Variants in CD38 observed in about 807,000 individuals in gnomAD.
CD38 encodes ADP-ribosyl cyclase/cyclic ADP-ribose hydrolase 1.
CD38 carries 31 observed loss-of-function variants against 36.3 expected under a neutral mutation model. The ratio of observed to expected loss-of-function variants is 0.85; its 90% CI spans 0.64 to 1.15. The LOEUF is 1.15. Ranked by LOEUF, CD38 falls within the 50% of genes most tolerant of loss-of-function variation. CD38 has a pLI of 0.00. For missense variants in CD38, 380 were observed against 371.9 expected, an observed-to-expected ratio of 1.02 and a Z score of -0.18; for synonymous variants, 131 against 135.2, an observed-to-expected ratio of 0.97 and a Z score of 0.22.
Position 15,790,104 on chromosome 4 carries a change from GCTCTCCCTCTCCCTCTCCCTCTCC to G in CD38, c.233+11489_233+11512del, listed in dbSNP as rs1230934444. ...CAAAGGCCTTGAAAAGCAGCAAGCC[GCTCTCCCTCTCCCTCTCCCTCTCC>G]CTCTCCCTCTCCCTCTCCCTCTCCC... is the stretch of plus-strand genomic sequence containing the variant. On this transcript the variant is annotated intron_variant, in intron 1 of 7. Transcript: ENST00000226279. Among the ~76,000 whole-genome samples the G allele has an allele frequency of 1.6e-4, 19 of 117,020 alleles. 1 individual carries two copies. The highest frequency in any genetic ancestry group is 4.2e-4 in the Admixed American group (5 of 11,868). The allele number at this position is 117,020 out of a possible 152,430, so 76.8% of individuals were successfully genotyped here.
At position 15,849,828 on chromosome 4, in the gene CD38, G is replaced by A. The variant is rs1403612928; in HGVS notation, c.*1226G>A. On this transcript the variant is annotated 3_prime_UTR_variant, in exon 8 of 8. Transcript: ENST00000226279. ...GGAAGTTTAGATCACTGATCCTTCA[G>A]CTTGTTTTCTTTTTTGTATACATAG... The A allele has an allele frequency of 6.6e-6, 1 of 152,144 alleles. No homozygotes were observed. The highest frequency in any genetic ancestry group is 1.9e-4 in the East Asian group (1 of 5,192). The allele number at this position is 152,144 out of a possible 1,614,324, so 9.4% of individuals were successfully genotyped here.
At chr4:15,790,430 G>C (rs540473892) in intron 1 of CD38, among the ~76,000 whole-genome samples, 1 of 151,796 alleles carries the variant, frequency 6.6e-6, no homozygotes, top group South Asian at 2.1e-4. Context: ...CGCCGGCCTC[G>C]GCCTCCCGAG....
At position 15,819,062 on chromosome 4, in the gene CD38, C is replaced by T. The variant is rs925750287; in HGVS notation, c.363+2422C>T. Among the ~76,000 whole-genome samples, 7 of 152,020 alleles carry T rather than the reference C, an allele frequency of 4.6e-5. No homozygotes were observed. In the South Asian group the frequency reaches 1.5e-3, roughly 32 times the overall value. ...GCATATGGATGAAGCTGGAAACCAT[C>T]ATTCTCAGCAAACTATCACAAGATC... On this transcript the variant is annotated intron_variant, in intron 2 of 7. Coordinates refer to ENST00000226279, the MANE Select transcript of CD38 (RefSeq NM_001775.4).
At position 15,820,496 on chromosome 4, in the gene CD38, T is replaced by A. The variant is rs1442899290; in HGVS notation, c.363+3856T>A. 1.1e-4 allele frequency among the ~76,000 whole-genome samples: 16 copies of A among 152,128 alleles called. No homozygotes were observed. The East Asian group carries it at 3.1e-3, about 29-fold the overall frequency. ...CTCAAAATAAGGGATGGAGGAATAT[T>A]TACCAAGCAAATGGGAAACAGAAAA... is the stretch of plus-strand genomic sequence containing the variant. On this transcript the variant is annotated intron_variant, in intron 2 of 7. Coordinates refer to ENST00000226279, the MANE Select transcript of CD38 (RefSeq NM_001775.4).
chr4:15,826,506 C>A (rs2148925021), intron 3 of CD38, among the ~76,000 whole-genome samples: 1 of 150,754 alleles, frequency 6.6e-6, no homozygotes, highest in South Asian at 2.1e-4. Context: ...CACCTGCATA[C>A]TTGAACGATA....
chr4:15,795,646 A>G (rs763729197), intron 1 of CD38, among the ~76,000 whole-genome samples: 2 of 152,130 alleles, frequency 1.3e-5, no homozygotes, highest in Non-Finnish European at 2.9e-5. Context: ...GAAGATATAT[A>G]CCTGCTTAAG....
chr4:15,789,944 C>CT (rs760916603), intron 1 of CD38, among the ~76,000 whole-genome samples: 4 of 152,134 alleles, frequency 2.6e-5, no homozygotes, highest in Non-Finnish European at 5.9e-5. Flanking sequence ...AGGTATTCTG[C>CT]TATAAGCAAC....
In CD38 at chr4:15,778,595, G is replaced by C. The variant is rs147573494; in HGVS notation, c.181G>C (p.Glu61Gln). 1.9e-5 allele frequency: 31 copies of C among 1,613,750 alleles called. No homozygotes were observed. Among genetic ancestry groups the C allele is most frequent in the Non-Finnish European group, 2.5e-5 (29 of 1,179,972 alleles). ...TCCGGGCACCACCAAGCGCTTTCCC[G>C]AGACCGTCCTGGCGCGATGCGTCAA... ...SGPGTTKRFPETVLARCVKYT... is the reference protein window; with the variant it reads ...SGPGTTKRFPQTVLARCVKYT... Residue 61 changes from glutamate to glutamine, a missense_variant, in exon 1 of 8, where the codon GAG (glutamate) becomes CAG (glutamine). By Grantham distance (29) the Glu-to-Gln change is conservative. Transcript: ENST00000226279. This position sits in a 1 kb window ranked among gnomAD's most constrained non-coding sequence, Gnocchi z 4.9.
intron 1 of CD38, among the ~76,000 whole-genome samples, chr4:15,790,130 T>A (rs7655829): frequency 3.8e-5 from 1 of 26,580 alleles, no homozygotes; most frequent in African/African-American, 6.4e-4. Context: ...TCCCTCTCCC[T>A]CTCCCTCTCC....
intron 1 of CD38, among the ~76,000 whole-genome samples, chr4:15,812,649 G>A (rs1293541751): frequency 6.6e-6 from 1 of 152,144 alleles, no homozygotes; most frequent in African/African-American, 2.4e-5. Context: ...GCAGTGAGCC[G>A]AGATCGCACC....
intron 1 of CD38, among the ~76,000 whole-genome samples, chr4:15,802,806 A>C (rs1049301618): frequency 1.3e-5 from 2 of 152,144 alleles, no homozygotes; most frequent in Non-Finnish European, 2.9e-5. Flanking sequence ...CAGCCTCCCA[A>C]AGTGCTGGTA....
chr4:15,788,646 C>T (rs1424532539), intron 1 of CD38, among the ~76,000 whole-genome samples: 2 of 152,140 alleles, frequency 1.3e-5, no homozygotes, highest in Non-Finnish European at 2.9e-5. Flanking sequence ...TGTGTAAACA[C>T]ACATCAGAAT....
At chr4:15,827,646 A>C (rs568531738) in intron 3 of CD38, among the ~76,000 whole-genome samples, 2 of 152,072 alleles carry the variant, frequency 1.3e-5, no homozygotes, top group Non-Finnish European at 2.9e-5. Flanking sequence ...ATGTATTTAC[A>C]GTAGACTTCT....
chr4:15,778,741 C>G lies in CD38; in HGVS notation c.233+94C>G, dbSNP rs1227062042. On this transcript the variant is annotated intron_variant, in intron 1 of 7. Transcript: ENST00000226279. This position sits in a 1 kb window ranked among gnomAD's most constrained non-coding sequence, Gnocchi z 4.9. ...GCCCGGATCGCCCGGAACCGGGCATCTTCCGTGGCGGGTCAGCCGAGAGCC... is the reference window on the plus strand; with the variant it reads ...GCCCGGATCGCCCGGAACCGGGCATGTTCCGTGGCGGGTCAGCCGAGAGCC... 2.2e-5 allele frequency: 20 copies of G among 893,634 alleles called. No individual in the cohort carries two copies. Among genetic ancestry groups the G allele is most frequent in the Non-Finnish European group, 3.3e-5 (19 of 579,956 alleles). 55.4% of individuals were successfully genotyped at this position (893,634 alleles called of 1,614,324 possible).
intron 1 of CD38, among the ~76,000 whole-genome samples, chr4:15,791,513 G>A (rs1291601585): frequency 3.0e-5 from 2 of 66,094 alleles, no homozygotes; most frequent in Admixed American, 1.1e-4. Flanking sequence ...CAGCCGCCCA[G>A]TCCGGGAGGG....
intron 6 of CD38, 55 bp from the exon 7 acceptor site, chr4:15,840,397 T>G (rs1724177300): frequency 5.8e-6 from 7 of 1,207,256 alleles, no homozygotes; most frequent in Non-Finnish European, 8.5e-6. Context: ...ACAAAGAGAC[T>G]CCAAAAATGT....
chr4:15,826,464 C>CACAG (rs1351403796), intron 3 of CD38, among the ~76,000 whole-genome samples: 1 of 97,426 alleles, frequency 1.0e-5, no homozygotes, highest in East Asian at 2.8e-4. Context: ...TGTGCGCACA[C>CACAG]ACACACACAC....
At chr4:15,803,362 A>C (rs184018258) in intron 1 of CD38, among the ~76,000 whole-genome samples, 33 of 152,354 alleles carry the variant, frequency 2.2e-4, no homozygotes, top group African/African-American at 6.7e-4. Context: ...AATGGGATAA[A>C]ATATTTGCAA....
chr4:15,835,526 G>T (rs989728163), intron 4 of CD38, among the ~76,000 whole-genome samples: 7 of 151,480 alleles, frequency 4.6e-5, no homozygotes, highest in African/African-American at 1.7e-4. Context: ...TGCAGGTGTG[G>T]GCCACTATGC....
Sources: allele counts gnomAD v4.1 joint callset (sites outside exome capture counted in the v4.1 genomes callset), GRCh38; gene constraint gnomAD v4.1.1; non-coding constraint Gnocchi (gnomAD v3.1); transcripts MANE v1.5; gene names NCBI Gene and HGNC (gene_info 2026-07-23, HGNC 2026-07-21).